The following NLGN1 variants were observed in gnomAD, a reference collection of about 807,000 sequenced individuals.
The protein encoded by NLGN1 is neuroligin-1.
A neutral mutation model predicts 65.5 loss-of-function variants in NLGN1; 12 were observed. The observed-to-expected ratio is 0.18, with a 90% confidence interval of 0.12 to 0.30. The LOEUF (loss-of-function observed/expected upper bound fraction) is 0.30. Among genes scored for constraint, NLGN1 ranks in the 10% least tolerant of loss-of-function variants. The pLI is 1.00. For missense variants in NLGN1, 750 were observed against 1,007.1 expected (o/e 0.74, Z 3.46); for synonymous variants, 350 against 359.5 (o/e 0.97, Z 0.30).
At chr3:174,120,374 G>A (rs977301123) in intron 4 of NLGN1, among the ~76,000 whole-genome samples, 6 of 151,982 alleles carry the variant, frequency 3.9e-5, no homozygotes, top group Non-Finnish European at 7.4e-5. Context: ...GGACATCGTG[G>A]TGCATGCCTG....
At chr3:173,689,643 C>T (rs545660786) in intron 3 of NLGN1, among the ~76,000 whole-genome samples, 36 of 152,202 alleles carry the variant, frequency 2.4e-4, no homozygotes, top group South Asian at 4.2e-4. Context: ...GGCTCCCATG[C>T]GCTGCAAAAT....
At chr3:173,835,528 C>T (rs1413521500) in intron 4 of NLGN1, among the ~76,000 whole-genome samples, 7 of 148,144 alleles carry the variant, frequency 4.7e-5, no homozygotes, top group African/African-American at 1.7e-4. Flanking sequence ...ATATATTGAA[C>T]AATACATGTT....
chr3:173,505,807 C>G (rs1013375636), intron 2 of NLGN1, among the ~76,000 whole-genome samples: 1 of 152,044 alleles, frequency 6.6e-6, no homozygotes, highest in African/African-American at 2.4e-5. Context: ...ACTTAAATAA[C>G]TACTTGTTTG....
intron 4 of NLGN1, among the ~76,000 whole-genome samples, chr3:173,965,837 A>G (rs1210569482): frequency 6.6e-6 from 1 of 152,136 alleles, no homozygotes; most frequent in Admixed American, 6.6e-5. Context: ...AAAAAAGGGC[A>G]TGTTTTGCTA....
Position 173,703,441 on chromosome 3 carries a change from A to G in NLGN1, c.493+98350A>G, listed in dbSNP as rs73880547. 3.7e-3 allele frequency among the ~76,000 whole-genome samples: 558 copies of G among 152,216 alleles called. 5 individuals carry two copies. The highest frequency in any genetic ancestry group is 0.013 in the African/African-American group (525 of 41,540). On this transcript the variant is annotated intron_variant, in intron 3 of 6. Transcript: ENST00000457714. Reference sequence around the variant, plus strand: ...CTTCCTTTTTACACTGGCTTTATTTACTGCTGGGAACTTTTTATTTATTTT... The same window carrying G: ...CTTCCTTTTTACACTGGCTTTATTTGCTGCTGGGAACTTTTTATTTATTTT...
chr3:173,489,929 GTTGT>G (rs1422550374), intron 2 of NLGN1, among the ~76,000 whole-genome samples: 1 of 152,132 alleles, frequency 6.6e-6, no homozygotes, highest in Non-Finnish European at 1.5e-5. Context: ...TTTTGATGGG[GTTGT>G]TTGTTTTTTT....
intron 4 of NLGN1, among the ~76,000 whole-genome samples, chr3:174,007,264 T>A (rs1329229413): frequency 6.6e-6 from 1 of 152,120 alleles, no homozygotes; most frequent in Non-Finnish European, 1.5e-5. Context: ...GAAAATACAT[T>A]TTTTGTTGCT....
intron 4 of NLGN1, among the ~76,000 whole-genome samples, chr3:174,040,965 T>C (rs1732169717): frequency 1.3e-5 from 2 of 152,322 alleles, no homozygotes; most frequent in South Asian, 2.1e-4. Flanking sequence ...TATAATTCAA[T>C]ATTTTTTATG....
intron 4 of NLGN1, among the ~76,000 whole-genome samples, chr3:174,237,517 G>A (rs989784528): frequency 6.6e-6 from 1 of 152,064 alleles, no homozygotes; most frequent in African/African-American, 2.4e-5. Flanking sequence ...TCTGAAGTTA[G>A]CATTCTATTG....
chr3:174,136,252 G>T (rs149846709), intron 4 of NLGN1, among the ~76,000 whole-genome samples: 1 of 152,136 alleles, frequency 6.6e-6, no homozygotes, highest in Non-Finnish European at 1.5e-5. Flanking sequence ...AAAATAAAAG[G>T]CACATAGCAA....
chr3:173,864,058 C>T (rs1729650125), intron 4 of NLGN1, among the ~76,000 whole-genome samples: 2 of 152,128 alleles, frequency 1.3e-5, no homozygotes, highest in Non-Finnish European at 2.9e-5. Flanking sequence ...AAAAAGGAAA[C>T]ATTTAAACAT....
At chr3:174,040,215 C>T (rs991954049) in intron 4 of NLGN1, among the ~76,000 whole-genome samples, 2 of 151,930 alleles carry the variant, frequency 1.3e-5, no homozygotes, top group Admixed American at 1.3e-4. Flanking sequence ...CTAAAGAAGG[C>T]TAAATGCTCA....
At chr3:173,623,757 T>C (rs2149513484) in intron 3 of NLGN1, among the ~76,000 whole-genome samples, 1 of 152,106 alleles carries the variant, frequency 6.6e-6, no homozygotes, top group East Asian at 1.9e-4. Flanking sequence ...TTAAAAGTGT[T>C]TTAGGAAGAT....
chr3:173,993,321 C>T (rs887116391), intron 4 of NLGN1, among the ~76,000 whole-genome samples: 1 of 152,148 alleles, frequency 6.6e-6, no homozygotes, highest in African/African-American at 2.4e-5. Flanking sequence ...GTTCATGTTG[C>T]CATTTGCAGT....
chr3:173,458,931 C>T (rs931315201), intron 2 of NLGN1, among the ~76,000 whole-genome samples: 13 of 151,970 alleles, frequency 8.6e-5, no homozygotes, highest in Admixed American at 2.0e-4. Flanking sequence ...GGAAGAAGCA[C>T]CCTTTGAGAA....
At chr3:174,259,539 A>G (rs1410352241) in intron 4 of NLGN1, among the ~76,000 whole-genome samples, 1 of 152,164 alleles carries the variant, frequency 6.6e-6, no homozygotes, top group Non-Finnish European at 1.5e-5. Flanking sequence ...CCAGCAAATC[A>G]AGACACAATG....
At chr3:173,397,225 GC>G (rs1281274536), upstream of NLGN1, among the ~76,000 whole-genome samples, 1 of 152,120 alleles carries the variant, frequency 6.6e-6, no homozygotes, top group Non-Finnish European at 1.5e-5. Context: ...TTCCGTTTCT[GC>G]ATAAAACCAA....
At chr3:173,496,651 G>T (rs1253850943) in intron 2 of NLGN1, among the ~76,000 whole-genome samples, 1 of 151,666 alleles carries the variant, frequency 6.6e-6, no homozygotes, top group African/African-American at 2.4e-5. Context: ...TGTGAGTTTG[G>T]AATATGAACA....
intron 2 of NLGN1, among the ~76,000 whole-genome samples, chr3:173,453,655 C>T (rs1347433324): frequency 1.3e-5 from 2 of 152,172 alleles, no homozygotes; most frequent in African/African-American, 4.8e-5. Context: ...TAAGAAGGAA[C>T]TCCTCATTCA....
Sources: allele counts gnomAD v4.1 joint callset (sites outside exome capture counted in the v4.1 genomes callset), GRCh38; gene constraint gnomAD v4.1.1; transcripts MANE v1.5; gene names NCBI Gene and HGNC (gene_info 2026-07-23, HGNC 2026-07-21).